Variants in ZHX2 observed in about 807,000 individuals in gnomAD.
The protein encoded by ZHX2 is zinc fingers and homeoboxes 2, also known as zinc fingers and homeoboxes protein 2.
ZHX2 carries 6 observed loss-of-function variants against 21.9 expected under a neutral mutation model. The ratio of observed to expected loss-of-function variants is 0.27; its 90% CI spans 0.15 to 0.54. The LOEUF (loss-of-function observed/expected upper bound fraction) is 0.54. Among genes scored for constraint, ZHX2 ranks in the 20% least tolerant of loss-of-function variants. The pLI, the probability that ZHX2 is intolerant of heterozygous loss-of-function variation, is 0.95. For synonymous variants in ZHX2, 434 were observed against 437.1 expected, an observed-to-expected ratio of 0.99 and a Z score of 0.09; for missense variants, 908 against 1,090.7, an observed-to-expected ratio of 0.83 and a Z score of 2.36.
At chr8:122,928,578 C>T (rs902366509) in intron 2 of ZHX2, among the ~76,000 whole-genome samples, 6 of 152,038 alleles carry the variant, frequency 3.9e-5, no homozygotes, top group South Asian at 2.1e-4. Flanking sequence ...ATTTGCCTGG[C>T]GGCAGGCACA....
intron 1 of ZHX2, among the ~76,000 whole-genome samples, chr8:122,837,872 G>A (rs986205626): frequency 1.4e-4 from 22 of 152,162 alleles, no homozygotes; most frequent in African/African-American, 5.1e-4. Flanking sequence ...TGGGTAAAAT[G>A]GAAACACTGG....
chr8:122,959,804 G>T (rs527363586), intron 3 of ZHX2, among the ~76,000 whole-genome samples: 2 of 152,154 alleles, frequency 1.3e-5, no homozygotes, highest in African/African-American at 4.8e-5. Flanking sequence ...CTTCCCTCAT[G>T]CCTAACAGGG....
intron 1 of ZHX2, among the ~76,000 whole-genome samples, chr8:122,802,815 C>A (rs1035531339): frequency 6.6e-6 from 1 of 152,162 alleles, no homozygotes; most frequent in Non-Finnish European, 1.5e-5. Context: ...TGCCCTTCCA[C>A]GCTTCTCTGG....
intron 2 of ZHX2, among the ~76,000 whole-genome samples, chr8:122,918,946 C>CA (rs79202862): frequency 0.012 from 902 of 73,868 alleles, 2 homozygotes; most frequent in Middle Eastern, 0.016. Flanking sequence ...GACTCCACCT[C>CA]AAAAAAAAAA....
intron 2 of ZHX2, among the ~76,000 whole-genome samples, chr8:122,946,843 C>G (rs1392370941): frequency 6.6e-6 from 1 of 152,064 alleles, no homozygotes; most frequent in African/African-American, 2.4e-5. Context: ...CATGTAACCC[C>G]AACACACATG....
intron 1 of ZHX2, among the ~76,000 whole-genome samples, chr8:122,795,350 C>T (rs1817596583): frequency 6.6e-6 from 1 of 152,242 alleles, no homozygotes; most frequent in Non-Finnish European, 1.5e-5. Flanking sequence ...TCTTGGCCAA[C>T]CTGCCTGCCT....
chr8:122,851,683 T>C (rs1158552979), intron 1 of ZHX2, among the ~76,000 whole-genome samples: 1 of 152,238 alleles, frequency 6.6e-6, no homozygotes, highest in Non-Finnish European at 1.5e-5. Context: ...GAACTGGCTT[T>C]GTATGCATGA....
At chr8:122,832,700 G>C (rs2084047) in intron 1 of ZHX2, among the ~76,000 whole-genome samples, 104,441 of 151,912 alleles carry the variant, frequency 0.69, 36,349 homozygotes, top group African/African-American at 0.79. Context: ...TCCTAGAAAA[G>C]AGAGAATTTC....
In ZHX2 at chr8:122,830,123, T is replaced by A. The variant is rs567742902; in HGVS notation, c.-282-33354T>A. 7.2e-5 allele frequency among the ~76,000 whole-genome samples: 11 copies of A among 152,292 alleles called. No individual in the cohort carries two copies. The South Asian group carries it at 1.7e-3, about 23-fold the overall frequency. On this transcript the variant is annotated intron_variant, in intron 1 of 3. Coordinates refer to ENST00000314393, the MANE Select transcript of ZHX2 (RefSeq NM_014943.5). The stretch of plus-strand genomic sequence containing the variant: ...ACAACAGGAGGCGGTGTGGAGCAAC[T>A]TGCTGTTTTAATGAGAGCCTGGGTG...
At chr8:122,918,946 CAAA>C (rs79202862) in intron 2 of ZHX2, among the ~76,000 whole-genome samples, 2 of 74,178 alleles carry the variant, frequency 2.7e-5, no homozygotes, top group Non-Finnish European at 2.9e-5. Context: ...GACTCCACCT[CAAA>C]AAAAAAAAAA....
At chr8:122,813,339 A>G (rs1350009863) in intron 1 of ZHX2, among the ~76,000 whole-genome samples, 2 of 152,178 alleles carry the variant, frequency 1.3e-5, no homozygotes, top group East Asian at 1.9e-4. Flanking sequence ...TCCATTTCCC[A>G]TGGGTGTCTG....
intron 2 of ZHX2, among the ~76,000 whole-genome samples, chr8:122,872,896 G>T (rs929424167): frequency 6.6e-6 from 1 of 152,116 alleles, no homozygotes; most frequent in Non-Finnish European, 1.5e-5. Flanking sequence ...TTCCCCCACC[G>T]ACAGCCAGCA....
chr8:122,925,341 C>T (rs191650423), intron 2 of ZHX2, among the ~76,000 whole-genome samples: 18 of 152,266 alleles, frequency 1.2e-4, no homozygotes, highest in Admixed American at 3.9e-4. Flanking sequence ...ATTGATCTTC[C>T]GTAACTGCTA....
At chr8:122,971,719 A>C (rs1813730956) in intron 3 of ZHX2, among the ~76,000 whole-genome samples, 1 of 151,946 alleles carries the variant, frequency 6.6e-6, no homozygotes, top group African/African-American at 2.4e-5. Flanking sequence ...TACAGATCTG[A>C]AAAACTTCTA....
At chr8:122,924,133 G>T (rs1820798956) in intron 2 of ZHX2, among the ~76,000 whole-genome samples, 1 of 152,198 alleles carries the variant, frequency 6.6e-6, no homozygotes, top group South Asian at 2.1e-4. Context: ...AAACTGGGTA[G>T]CTTGGGAGAG....
chr8:122,863,882 A>T (rs1265072027), intron 2 of ZHX2, among the ~76,000 whole-genome samples: 1 of 152,140 alleles, frequency 6.6e-6, no homozygotes, highest in Non-Finnish European at 1.5e-5. Flanking sequence ...TTCTTAGAAC[A>T]GAGAGGGAGC....
chr8:122,799,721 C>G (rs374272690), intron 1 of ZHX2, among the ~76,000 whole-genome samples: 169 of 152,324 alleles, frequency 1.1e-3, no homozygotes, highest in African/African-American at 3.7e-3. Flanking sequence ...GGTGACCTGG[C>G]AGCATCCTGA....
In ZHX2 at chr8:122,945,158, G is replaced by A. The variant is rs148109642; in HGVS notation, c.-219-6134G>A. Among the ~76,000 whole-genome samples, 586 of 152,258 alleles carry A rather than the reference G, an allele frequency of 3.8e-3. 3 individuals are homozygous for A. The highest frequency in any genetic ancestry group is 0.014 in the African/African-American group (567 of 41,546). Reference sequence around the variant, plus strand: ...ACCCAGTCTGTGGCATTTTGTCATGGCAGCCCTAGCGAACTAATGTACCAG... The same window carrying A: ...ACCCAGTCTGTGGCATTTTGTCATGACAGCCCTAGCGAACTAATGTACCAG... On this transcript the variant is annotated intron_variant, in intron 2 of 3. Transcript: ENST00000314393.
intron 1 of ZHX2, among the ~76,000 whole-genome samples, chr8:122,853,197 G>C (rs1818943483): frequency 6.6e-6 from 1 of 152,104 alleles, no homozygotes; most frequent in African/African-American, 2.4e-5. Context: ...CCATCACTAG[G>C]TGAGTTATAA....
Sources: allele counts gnomAD v4.1 joint callset (sites outside exome capture counted in the v4.1 genomes callset), GRCh38; gene constraint gnomAD v4.1.1; transcripts MANE v1.5; gene names NCBI Gene and HGNC (gene_info 2026-07-23, HGNC 2026-07-21).